The following IPPK variants were observed in gnomAD, a reference collection of about 807,000 sequenced individuals.
The protein encoded by IPPK is inositol-pentakisphosphate 2-kinase.
A neutral mutation model predicts 64.6 loss-of-function variants in IPPK; 22 were observed. The observed-to-expected ratio is 0.34, with a 90% confidence interval of 0.24 to 0.49. The LOEUF (loss-of-function observed/expected upper bound fraction) is 0.49. IPPK is among the 20% of genes least tolerant of loss of function. The pLI is 0.99. For missense variants in IPPK, 532 were observed against 630.7 expected, an observed-to-expected ratio of 0.84 and a Z score of 1.68; for synonymous variants, 262 against 247.2, an observed-to-expected ratio of 1.06 and a Z score of -0.56.
intron 1 of IPPK, among the ~76,000 whole-genome samples, chr9:92,661,829 AT>A (rs1423988742): frequency 1.3e-5 from 2 of 152,200 alleles, no homozygotes; most frequent in African/African-American, 4.8e-5. Context: ...CAACTGCCCC[AT>A]GTGAGGGACC....
intron 11 of IPPK, among the ~76,000 whole-genome samples, chr9:92,627,228 T>C (rs1202685201): frequency 6.6e-6 from 1 of 152,100 alleles, no homozygotes; most frequent in Non-Finnish European, 1.5e-5. Flanking sequence ...ATAAAAAAAC[T>C]ATCCACAAAG....
At position 92,615,990 on chromosome 9, in the gene IPPK, G is replaced by C. The variant is rs35012530; in HGVS notation, c.1318C>G (p.Leu440Val). Residue 440 changes from leucine (L) to valine (V), a missense_variant, in exon 13 of 13, where the codon CTT becomes GTT. Transcript: ENST00000287996. ...ATGCTCTCGTAGGGCTTGAGGTCAA[G>C]GTCCAGCACAGACACGGAAAAGGCA... Reference protein sequence around the residue: ...RFAFSVSVLDLDLKPYESIPH... With the variant: ...RFAFSVSVLDVDLKPYESIPH... 28 of 1,614,022 alleles carry C rather than the reference G, an allele frequency of 1.7e-5. No individual in the cohort carries two copies. The highest frequency in any genetic ancestry group is 2.3e-5 in the Non-Finnish European group (27 of 1,180,030).
intron 11 of IPPK, among the ~76,000 whole-genome samples, chr9:92,627,153 C>T (rs1851749204): frequency 6.6e-6 from 1 of 151,948 alleles, no homozygotes; most frequent in African/African-American, 2.4e-5. Flanking sequence ...ACACAAACTA[C>T]CAAAACTGAC....
intron 9 of IPPK, among the ~76,000 whole-genome samples, chr9:92,636,517 G>A (rs994331204): frequency 6.6e-6 from 1 of 151,996 alleles, no homozygotes; most frequent in Non-Finnish European, 1.5e-5. Context: ...AGTGCGTGTC[G>A]GTAGTCCCAG....
At chr9:92,617,978 TTAGTC>T (rs1851496019) in intron 12 of IPPK, 1 of 334,242 alleles carries the variant, frequency 3.0e-6, no homozygotes, top group African/African-American at 2.1e-5. Context: ...GAGCTGCAAA[TTAGTC>T]TAGGGATCTA....
At position 92,638,257 on chromosome 9, in the gene IPPK, G is replaced by A. The variant is rs1366987194; in HGVS notation, c.660C>T (p.Cys220=). 5 of 1,613,970 alleles carry A rather than the reference G, an allele frequency of 3.1e-6. No individual in the cohort carries two copies. The South Asian group carries it at 5.5e-5, about 18-fold the overall frequency. Reference sequence around the variant, plus strand: ...CAGCCACGGGGCTCCGGGCATCTTTGCAGCCGTAAATCAGCTCACCATTCT... The same window carrying A: ...CAGCCACGGGGCTCCGGGCATCTTTACAGCCGTAAATCAGCTCACCATTCT... ...IFKNGELIYG[C]KDARSPVADW... Residue 220 remains cysteine, a synonymous_variant, in exon 9 of 13, where the codon TGC becomes TGT. Coordinates refer to ENST00000287996, the MANE Select transcript of IPPK (RefSeq NM_022755.6).
intron 9 of IPPK, among the ~76,000 whole-genome samples, chr9:92,636,475 A>G (rs1439045855): frequency 6.6e-6 from 1 of 150,706 alleles, no homozygotes; most frequent in Non-Finnish European, 1.5e-5. Context: ...CATCTCTACA[A>G]AAAAAAAATA....
At position 92,637,963 on chromosome 9, in the gene IPPK, C is replaced by A. The variant is rs774589119; in HGVS notation, c.916+38G>T. The stretch of plus-strand genomic sequence containing the variant: ...GGACTGCAGAGTCCCAAGGCCCCTG[C>A]GGCCCCCACCGCCTACCTGGGGAAG... On this transcript the variant is annotated intron_variant, in intron 9 of 12. Coordinates refer to ENST00000287996, the MANE Select transcript of IPPK (RefSeq NM_022755.6). 8.1e-6 allele frequency: 12 copies of A among 1,485,580 alleles called. 1 individual carries two copies. The South Asian group carries it at 1.6e-4, about 20-fold the overall frequency. 92.0% of individuals were successfully genotyped at this position (1,485,580 alleles called of 1,614,324 possible).
At chr9:92,654,937 AG>A (rs1852341049) in intron 3 of IPPK, among the ~76,000 whole-genome samples, 1 of 152,250 alleles carries the variant, frequency 6.6e-6, no homozygotes, top group Non-Finnish European at 1.5e-5. Flanking sequence ...TTTGGCCCAC[AG>A]CAGCGAGGTG....
At chr9:92,629,230 T>C (rs539478871) in intron 11 of IPPK, among the ~76,000 whole-genome samples, 2 of 152,352 alleles carry the variant, frequency 1.3e-5, no homozygotes, top group South Asian at 4.1e-4. Context: ...TGACCTTAGA[T>C]TTATTTAGCA....
At chr9:92,662,360 T>C (rs1419858670) in intron 1 of IPPK, among the ~76,000 whole-genome samples, 1 of 152,060 alleles carries the variant, frequency 6.6e-6, no homozygotes, top group Non-Finnish European at 1.5e-5. Flanking sequence ...AACCTGTCTC[T>C]ACTAAAAAAC....
At chr9:92,642,917 T>G (rs1484415570) in intron 6 of IPPK, 107 bp from the exon 7 acceptor site, 1 of 926,106 alleles carries the variant, frequency 1.1e-6, no homozygotes, top group Non-Finnish European at 1.8e-6. Context: ...GAAGACGAGC[T>G]GCAGCCTTGC....
At chr9:92,646,121 G>C (rs1293153250) in intron 6 of IPPK, among the ~76,000 whole-genome samples, 2 of 152,184 alleles carry the variant, frequency 1.3e-5, no homozygotes, top group Admixed American at 1.3e-4. Flanking sequence ...AGGGAGCAAA[G>C]CTTTAGAGGA....
chr9:92,651,075 G>T (rs909609165), intron 4 of IPPK, among the ~76,000 whole-genome samples: 18 of 152,052 alleles, frequency 1.2e-4, no homozygotes, highest in African/African-American at 3.9e-4. Flanking sequence ...TGCATTCACC[G>T]AGAGGAAGAA....
intron 6 of IPPK, among the ~76,000 whole-genome samples, chr9:92,647,757 C>T (rs974859929): frequency 7.9e-5 from 12 of 151,712 alleles, no homozygotes; most frequent in African/African-American, 2.9e-4. Flanking sequence ...GAACACGGGC[C>T]GGGCGCAGTG....
intron 2 of IPPK, among the ~76,000 whole-genome samples, chr9:92,657,045 C>A (rs1176412521): frequency 6.6e-6 from 1 of 152,152 alleles, no homozygotes; most frequent in Non-Finnish European, 1.5e-5. Context: ...GCTGTGGTCA[C>A]AGCTTCTGAC....
At chr9:92,658,174 G>A (rs1181592638) in intron 2 of IPPK, among the ~76,000 whole-genome samples, 1 of 152,212 alleles carries the variant, frequency 6.6e-6, no homozygotes, top group Non-Finnish European at 1.5e-5. Context: ...GGTGGTCCAT[G>A]GCATTTTGCT....
chr9:92,645,169 G>C (rs1852126211), intron 6 of IPPK, among the ~76,000 whole-genome samples: 1 of 152,078 alleles, frequency 6.6e-6, no homozygotes, highest in Non-Finnish European at 1.5e-5. Flanking sequence ...GGTAGGCAGA[G>C]TGCCTGAGCT....
At chr9:92,666,965 G>T (rs1462802200) in intron 1 of IPPK, among the ~76,000 whole-genome samples, 1 of 152,188 alleles carries the variant, frequency 6.6e-6, no homozygotes, top group Non-Finnish European at 1.5e-5. Context: ...ACATCACTGT[G>T]CTCCTTCTAG....
Sources: gnomAD v4.1 joint callset for allele counts (sites outside exome capture counted in the v4.1 genomes callset) on GRCh38, gnomAD v4.1.1 for gene constraint, MANE v1.5 for transcripts, NCBI Gene and HGNC (gene_info 2026-07-23, HGNC 2026-07-21) for gene names.